CNGB3: variants seen among roughly 807,000 people sequenced by gnomAD.
CNGB3 encodes cyclic nucleotide-gated channel beta-3.
A neutral mutation model predicts 92.8 loss-of-function variants in CNGB3; 86 were observed. The ratio of observed to expected loss-of-function variants is 0.93; its 90% CI spans 0.78 to 1.11. CNGB3 has a LOEUF of 1.11. Among genes scored for constraint, CNGB3 ranks in the 50% least tolerant of loss-of-function variants. The pLI, the probability that CNGB3 is intolerant of heterozygous loss-of-function variation, is 0.00. For synonymous variants in CNGB3, 333 were observed against 332.7 expected, an observed-to-expected ratio of 1.00 and a Z score of -0.01; for missense variants, 1,026 against 956.8, an observed-to-expected ratio of 1.07 and a Z score of -0.95.
intron 10 of CNGB3, among the ~76,000 whole-genome samples, chr8:86,639,124 A>C (rs1261113578): frequency 1.3e-5 from 2 of 151,850 alleles, no homozygotes; most frequent in Non-Finnish European, 2.9e-5. Context: ...ACATCAACTA[A>C]AGTCAATAAT....
intron 2 of CNGB3, among the ~76,000 whole-genome samples, chr8:86,729,598 A>G (rs1414086996): frequency 2.0e-5 from 3 of 152,350 alleles, no homozygotes; most frequent in East Asian, 3.9e-4. Context: ...GAAACCAGTT[A>G]TTTCCTATTC....
At chr8:86,672,027 A>C (rs1823871017) in intron 3 of CNGB3, among the ~76,000 whole-genome samples, 1 of 152,196 alleles carries the variant, frequency 6.6e-6, no homozygotes, top group African/African-American at 2.4e-5. Context: ...TAAATCACTT[A>C]AGTATGTGGT....
At chr8:86,717,751 C>G (rs1824889258) in intron 3 of CNGB3, among the ~76,000 whole-genome samples, 1 of 152,058 alleles carries the variant, frequency 6.6e-6, no homozygotes, top group African/African-American at 2.4e-5. Flanking sequence ...CAAGATAGAT[C>G]ACATGATAGA....
chr8:86,667,875 G>T, intron 5 of CNGB3, 144 bp downstream of exon 5: 4 of 920,514 alleles, frequency 4.3e-6, no homozygotes, highest in Non-Finnish European at 3.5e-6. Context: ...ATGATCCTTT[G>T]CAGGTTATTT....
chr8:86,708,823 G>T (rs1824698510), intron 3 of CNGB3, among the ~76,000 whole-genome samples: 1 of 151,906 alleles, frequency 6.6e-6, no homozygotes, highest in African/African-American at 2.4e-5. Flanking sequence ...CTCTTGCCTT[G>T]GCCAATAAAA....
intron 3 of CNGB3, among the ~76,000 whole-genome samples, chr8:86,707,179 C>T (rs1299480765): frequency 6.6e-6 from 1 of 152,136 alleles, no homozygotes; most frequent in Non-Finnish European, 1.5e-5. Context: ...ATTTATTTAT[C>T]ATAGGCCTAT....
At chr8:86,607,037 G>A (rs1254164068) in intron 14 of CNGB3, among the ~76,000 whole-genome samples, 1 of 152,172 alleles carries the variant, frequency 6.6e-6, no homozygotes, top group East Asian at 1.9e-4. Context: ...TATTCTTTGC[G>A]TGAAGTAATT....
In CNGB3 at chr8:86,667,197, C is replaced by A. The variant is rs148322156; in HGVS notation, c.644-64G>T. On this transcript the variant is annotated intron_variant, in intron 5 of 17. Coordinates refer to ENST00000320005, the MANE Select transcript of CNGB3 (RefSeq NM_019098.5). ...AACAAACACAGAAAGAATTCTGTTG[C>A]TTAGTTTGGGGAGGTTGGGGCACTA... 3.4e-6 allele frequency: 5 copies of A among 1,455,740 alleles called. No individual in the cohort carries two copies. In the African/African-American group the frequency reaches 7.0e-5, roughly 20 times the overall value. 90.2% of individuals were successfully genotyped at this position (1,455,740 alleles called of 1,614,324 possible). A position where few individuals can be genotyped will look rare whatever the true frequency, so the allele number is the denominator to read the frequency against.
intron 3 of CNGB3, among the ~76,000 whole-genome samples, chr8:86,689,439 C>T (rs184591238): frequency 1.3e-5 from 2 of 151,566 alleles, no homozygotes; most frequent in Admixed American, 1.3e-4. Context: ...ATAGTATTTG[C>T]TATATATATC....
At chr8:86,686,004 T>C (rs138547308) in intron 3 of CNGB3, among the ~76,000 whole-genome samples, 1 of 152,044 alleles carries the variant, frequency 6.6e-6, no homozygotes, top group Non-Finnish European at 1.5e-5. Context: ...CAGAGGAGAA[T>C]AATGTATTAA....
chr8:86,652,933 A>G (rs1267286984), intron 7 of CNGB3, among the ~76,000 whole-genome samples: 1 of 152,190 alleles, frequency 6.6e-6, no homozygotes, highest in African/African-American at 2.4e-5. Context: ...TGTACCATAC[A>G]TATTAGTATG....
In CNGB3 at chr8:86,670,855, C is replaced by T. The variant is rs2131618769; in HGVS notation, c.493+89G>A. Reference sequence around the variant, plus strand: ...ACGTAAATCATTTTCTCAGGGTCTGCTTTTGGGAGATCCAAACTAAAACAT... The same window carrying T: ...ACGTAAATCATTTTCTCAGGGTCTGTTTTTGGGAGATCCAAACTAAAACAT... On this transcript the variant is annotated intron_variant, in intron 4 of 17. Coordinates refer to ENST00000320005, the MANE Select transcript of CNGB3 (RefSeq NM_019098.5). 3.6e-6 allele frequency: 5 copies of T among 1,386,980 alleles called. No homozygotes were observed. In the East Asian group the frequency reaches 9.1e-5, roughly 25 times the overall value. The allele number at this position is 1,386,980 out of a possible 1,614,324, so 85.9% of individuals were successfully genotyped here.
intron 3 of CNGB3, among the ~76,000 whole-genome samples, chr8:86,687,475 G>A (rs560173697): frequency 6.6e-6 from 1 of 152,126 alleles, no homozygotes; most frequent in East Asian, 1.9e-4. Context: ...ATGAGATAAC[G>A]AGAACAGACA....
chr8:86,616,577 T>G (rs1203655136), intron 13 of CNGB3, among the ~76,000 whole-genome samples: 3 of 152,154 alleles, frequency 2.0e-5, no homozygotes, highest in Admixed American at 2.0e-4. Flanking sequence ...TTGTTTACAG[T>G]TAGGAAATTT....
At chr8:86,660,894 C>T (rs1823628241) in intron 6 of CNGB3, 8 of 345,832 alleles carry the variant, frequency 2.3e-5, no homozygotes, top group South Asian at 9.8e-5. Context: ...TAACATTCTT[C>T]CCAGGCCTCT....
In CNGB3 at chr8:86,726,569, C is replaced by T. The variant is rs1825064129; in HGVS notation, c.300G>A (p.Glu100=). Residue 100 remains glutamate, a synonymous_variant, in exon 3 of 18, where the codon GAG becomes GAA. Transcript: ENST00000320005. Reference sequence around the variant, plus strand: ...CTTTCCCGGGGTCCATTTCCTTCTGCTCTGGCACTGTTCCAGTTGGTTCTG... The same window carrying T: ...CTTTCCCGGGGTCCATTTCCTTCTGTTCTGGCACTGTTCCAGTTGGTTCTG... The part of the protein sequence containing the change: ...NAAEPTGTVP[E]QKEMDPGKEG... 1.2e-6 allele frequency: 2 copies of T among 1,613,866 alleles called. No homozygotes were observed. The highest frequency in any genetic ancestry group is 8.5e-7 in the Non-Finnish European group (1 of 1,179,820).
chr8:86,679,938 C>G (rs1824048142), intron 3 of CNGB3, among the ~76,000 whole-genome samples: 1 of 152,150 alleles, frequency 6.6e-6, no homozygotes, highest in Non-Finnish European at 1.5e-5. Context: ...CATCTACTAT[C>G]CATCTACGAG....
chr8:86,724,511 C>G (rs957854733), intron 3 of CNGB3, among the ~76,000 whole-genome samples: 2 of 151,988 alleles, frequency 1.3e-5, no homozygotes, highest in Admixed American at 6.6e-5. Flanking sequence ...TTACCATGTG[C>G]CAGACATTGA....
At chr8:86,733,771 T>C (rs1330750712) in intron 2 of CNGB3, among the ~76,000 whole-genome samples, 1 of 152,240 alleles carries the variant, frequency 6.6e-6, no homozygotes, top group African/African-American at 2.4e-5. Flanking sequence ...ACACATTAAA[T>C]TGTATATGCT....
Sources: allele counts gnomAD v4.1 joint callset (sites outside exome capture counted in the v4.1 genomes callset), GRCh38; gene constraint gnomAD v4.1.1; transcripts MANE v1.5; gene names NCBI Gene and HGNC (gene_info 2026-07-23, HGNC 2026-07-21).